The following FBXO33 variants were observed in gnomAD, a reference collection of about 807,000 sequenced individuals.
FBXO33 encodes F-box protein 33.
In FBXO33, 22 loss-of-function variants were observed where a neutral mutation model predicts 46.3. The ratio of observed to expected loss-of-function variants is 0.48; its 90% CI spans 0.34 to 0.68. The LOEUF (loss-of-function observed/expected upper bound fraction) is 0.68. Among genes scored for constraint, FBXO33 ranks in the 30% least tolerant of loss-of-function variants. The pLI, the probability that FBXO33 is intolerant of heterozygous loss-of-function variation, is 0.01. For synonymous variants in FBXO33, 337 were observed against 291.3 expected (o/e 1.16, Z -1.60); for missense variants, 692 against 708.8 (o/e 0.98, Z 0.27).
intron 1 of FBXO33, 54 bp from the exon 2 acceptor site, chr14:39,402,565 A>G (rs2075373632): frequency 2.3e-6 from 2 of 866,090 alleles, no homozygotes; most frequent in Admixed American, 3.8e-5. Context: ...CTTAAAAAAT[A>G]TAAATATAAA....
At chr14:39,428,826 G>A (rs1221104884) in intron 1 of FBXO33, among the ~76,000 whole-genome samples, 3 of 152,094 alleles carry the variant, frequency 2.0e-5, no homozygotes, top group Non-Finnish European at 4.4e-5. Flanking sequence ...CTTATAGAAC[G>A]ACTGCAGAGA....
chr14:39,417,041 A>G (rs1228408939), intron 1 of FBXO33, among the ~76,000 whole-genome samples: 1 of 152,176 alleles, frequency 6.6e-6, no homozygotes, highest in East Asian at 1.9e-4. Context: ...AGGCTCCACC[A>G]GTCCTTTAGT....
At chr14:39,420,439 T>C (rs971575131) in intron 1 of FBXO33, among the ~76,000 whole-genome samples, 101 of 152,200 alleles carry the variant, frequency 6.6e-4, no homozygotes, top group African/African-American at 1.9e-3. Flanking sequence ...GCCTGTAATC[T>C]CAGCGCTTTG....
chr14:39,414,382 A>T (rs1056691502), intron 1 of FBXO33, among the ~76,000 whole-genome samples: 3 of 152,244 alleles, frequency 2.0e-5, no homozygotes, highest in African/African-American at 7.2e-5. Context: ...TCTTCTATCC[A>T]GACCACCAAA....
At chr14:39,420,415 C>T (rs998883046) in intron 1 of FBXO33, among the ~76,000 whole-genome samples, 3 of 152,112 alleles carry the variant, frequency 2.0e-5, no homozygotes, top group Non-Finnish European at 4.4e-5. Flanking sequence ...AGCGGCTGGG[C>T]GCCGGTGGCT....
intron 1 of FBXO33, among the ~76,000 whole-genome samples, chr14:39,415,510 C>G (rs2075443799): frequency 1.3e-5 from 2 of 152,088 alleles, no homozygotes; most frequent in Admixed American, 1.3e-4. Context: ...GTATGATTAC[C>G]ATGTGGTATA....
chr14:39,412,835 C>T (rs968926848), intron 1 of FBXO33, among the ~76,000 whole-genome samples: 3 of 152,190 alleles, frequency 2.0e-5, no homozygotes, highest in Non-Finnish European at 1.5e-5. Flanking sequence ...TGTGCAACAG[C>T]GTTATGTCTA....
chr14:39,413,089 A>T (rs2075431272), intron 1 of FBXO33, among the ~76,000 whole-genome samples: 1 of 152,234 alleles, frequency 6.6e-6, no homozygotes, highest in African/African-American at 2.4e-5. Flanking sequence ...GTAGCATGCT[A>T]TGCTGCTTAA....
chr14:39,415,197 A>G (rs2075441744), intron 1 of FBXO33, among the ~76,000 whole-genome samples: 1 of 152,174 alleles, frequency 6.6e-6, no homozygotes, highest in African/African-American at 2.4e-5. Flanking sequence ...CACTCTGGGA[A>G]GCCAAGGTGA....
intron 2 of FBXO33, 53 bp downstream of exon 2, chr14:39,402,348 G>A: frequency 9.7e-7 from 1 of 1,026,318 alleles, no homozygotes; most frequent in East Asian, 2.7e-5. Context: ...AATTTCTTAG[G>A]AAAAACATAT....
chr14:39,410,691 T>C (rs973301599), intron 1 of FBXO33, among the ~76,000 whole-genome samples: 1 of 152,246 alleles, frequency 6.6e-6, no homozygotes, highest in African/African-American at 2.4e-5. Flanking sequence ...TTAATAATTA[T>C]GGATTCACTC....
intron 1 of FBXO33, among the ~76,000 whole-genome samples, chr14:39,427,406 T>A (rs537811420): frequency 6.6e-6 from 1 of 152,328 alleles, no homozygotes; most frequent in African/African-American, 2.4e-5. Flanking sequence ...ACAGGGCAGA[T>A]TGGTCACAGG....
rs8006123 is a variant in FBXO33 at position 39,431,468 on chromosome 14, T to A, written c.599+96A>T. On this transcript the variant is annotated intron_variant, in intron 1 of 3. Coordinates refer to ENST00000298097, the MANE Select transcript of FBXO33 (RefSeq NM_203301.4). ...GTCACTGAGGAAGGCAACACTGAAG[T>A]TGGCCGGGCACGTATTATGCACAGA... 8 of 1,567,508 alleles carry A rather than the reference T, an allele frequency of 5.1e-6. No individual in the cohort carries two copies. The Admixed American group carries it at 7.4e-5, about 15-fold the overall frequency.
intron 1 of FBXO33, among the ~76,000 whole-genome samples, chr14:39,408,739 C>T (rs2075409794): frequency 6.6e-6 from 1 of 151,162 alleles, no homozygotes. Context: ...GAACTCCTGA[C>T]CTCAAGTGAT....
chr14:39,418,474 T>TA (rs927758092), intron 1 of FBXO33, among the ~76,000 whole-genome samples: 4 of 150,438 alleles, frequency 2.7e-5, no homozygotes, highest in Non-Finnish European at 4.4e-5. Flanking sequence ...TCAAAATCGT[T>TA]AAAAAAATTA....
At chr14:39,413,864 T>C (rs1166598013) in intron 1 of FBXO33, among the ~76,000 whole-genome samples, 1 of 152,224 alleles carries the variant, frequency 6.6e-6, no homozygotes, top group Non-Finnish European at 1.5e-5. Flanking sequence ...AGATGTGCTA[T>C]CATCCACGCT....
chr14:39,420,599 G>A (rs1225025097), intron 1 of FBXO33, among the ~76,000 whole-genome samples: 1 of 152,100 alleles, frequency 6.6e-6, no homozygotes, highest in Non-Finnish European at 1.5e-5. Context: ...GCTGAGGCAG[G>A]AGAATGGCGT....
rs776491252 is a variant in FBXO33, at chr14:39,399,497, A to G, written c.*19T>C. 46 of 1,596,920 alleles carry G rather than the reference A, an allele frequency of 2.9e-5. No homozygotes were observed. Among genetic ancestry groups the G allele is most frequent in the Non-Finnish European group, 3.6e-5 (42 of 1,170,500 alleles). On this transcript the variant is annotated 3_prime_UTR_variant, in exon 4 of 4. Coordinates refer to ENST00000298097, the MANE Select transcript of FBXO33 (RefSeq NM_203301.4). ...CCTACTTGCATATGTAACCACAGGA[A>G]TTCTACATTAAAAAAAAGCTAAATG...
chr14:39,400,315 C>T (rs2075362888), intron 3 of FBXO33, among the ~76,000 whole-genome samples: 1 of 152,134 alleles, frequency 6.6e-6, no homozygotes, highest in South Asian at 2.1e-4. Context: ...TATGCACCAA[C>T]TTCAGAATAA....
Sources: allele counts gnomAD v4.1 joint callset (sites outside exome capture counted in the v4.1 genomes callset), GRCh38; gene constraint gnomAD v4.1.1; transcripts MANE v1.5; gene names NCBI Gene and HGNC (gene_info 2026-07-23, HGNC 2026-07-21).